PASD1: variants seen among roughly 807,000 people sequenced by gnomAD.
PASD1 encodes PAS domain containing repressor 1, also known as circadian clock protein PASD1.
PASD1 carries 13 observed loss-of-function variants against 58.8 expected under a neutral mutation model. The observed-to-expected ratio is 0.22, with a 90% CI of 0.14 to 0.35. The LOEUF (loss-of-function observed/expected upper bound fraction) is 0.35. Among genes scored for constraint, PASD1 ranks in the 10% least tolerant of loss-of-function variants. The probability of loss-of-function intolerance (pLI) is 1.00; values close to 1 mark genes in which losing one functional copy is unlikely to be tolerated. For synonymous variants in PASD1, 236 were observed against 216.7 expected (o/e 1.09, Z -0.78); for missense variants, 734 against 568.3 (o/e 1.29, Z -2.96).
intron 8 of PASD1, among the ~76,000 whole-genome samples, chrX:151,644,338 C>T (rs2014031811): frequency 9.0e-6 from 1 of 111,574 alleles, no homozygotes; most frequent in African/African-American, 3.3e-5. Context: ...CTTCTCTTCT[C>T]CCCCTCAAAG....
At chrX:151,627,448 A>G (rs1341853023) in intron 8 of PASD1, among the ~76,000 whole-genome samples, 1 of 109,131 alleles carries the variant, frequency 9.2e-6, no homozygotes, top group Non-Finnish European at 1.9e-5. Flanking sequence ...GAGTGAGGAC[A>G]TGCAGTGTTT....
At chrX:151,660,298 TA>T (rs2014294308) in intron 10 of PASD1, among the ~76,000 whole-genome samples, 1 of 112,203 alleles carries the variant, frequency 8.9e-6, no homozygotes, top group South Asian at 3.7e-4. Context: ...GTACAAAACT[TA>T]AGGAAATGGT....
intron 8 of PASD1, among the ~76,000 whole-genome samples, chrX:151,641,367 A>G (rs1441927463): frequency 8.9e-6 from 1 of 111,868 alleles, no homozygotes; most frequent in Non-Finnish European, 1.9e-5. Context: ...GCTATGCCAT[A>G]AAAGTAATTA....
intron 11 of PASD1, among the ~76,000 whole-genome samples, chrX:151,665,970 G>A (rs2014373356): frequency 9.3e-6 from 1 of 107,797 alleles, no homozygotes; most frequent in Non-Finnish European, 1.9e-5. Flanking sequence ...CATAGTGAAA[G>A]AAGGACAAGT....
chrX:151,578,237 G>A (rs1265151583), intron 1 of PASD1: 1 of 112,085 alleles, frequency 8.9e-6, no homozygotes, highest in African/African-American at 3.2e-5. Context: ...AATGTTCTCC[G>A]CTAAGGAACA....
At chrX:151,646,653 A>G (rs1241596613) in intron 8 of PASD1, among the ~76,000 whole-genome samples, 2 of 112,827 alleles carry the variant, frequency 1.8e-5, no homozygotes, top group African/African-American at 6.4e-5. Context: ...AGAAGCCAAT[A>G]TAAAGGTATT....
At chrX:151,622,308 A>G (rs1401359610) in intron 6 of PASD1, among the ~76,000 whole-genome samples, 2 of 110,670 alleles carry the variant, frequency 1.8e-5, no homozygotes, top group African/African-American at 6.6e-5. Flanking sequence ...AGAGGTAAAT[A>G]GCCCAAATAG....
chrX:151,645,190 C>A (rs773341686), intron 8 of PASD1, among the ~76,000 whole-genome samples: 1 of 111,705 alleles, frequency 9.0e-6, no homozygotes, highest in East Asian at 2.8e-4. Context: ...TCATAACCTG[C>A]AACCAAGAAG....
intron 4 of PASD1, among the ~76,000 whole-genome samples, chrX:151,613,374 T>TGGG (rs1253196793): frequency 1.8e-5 from 2 of 108,716 alleles, no homozygotes; most frequent in Non-Finnish European, 3.8e-5. Flanking sequence ...GGTAGCTTGA[T>TGGG]GGGGATGGCA....
In PASD1 at chrX:151,663,482, T is replaced by C. The variant is rs73638095; in HGVS notation, c.842-637T>C. ...GAACATCTGGATTGTTTCCAAGTGT[T>C]TTTTGATCATGAATAAAGCTACATT... On this transcript the variant is annotated intron_variant, in intron 10 of 15. Coordinates refer to ENST00000370357, the MANE Select transcript of PASD1 (RefSeq NM_173493.3). 9.6e-3 allele frequency among the ~76,000 whole-genome samples: 1,077 copies of C among 112,560 alleles called. 13 individuals are homozygous for C. The highest frequency in any genetic ancestry group is 0.033 in the African/African-American group (1,029 of 30,992).
intron 4 of PASD1, among the ~76,000 whole-genome samples, chrX:151,614,564 A>C (rs1290725805): frequency 7.1e-5 from 8 of 112,362 alleles, no homozygotes; most frequent in African/African-American, 2.3e-4. Flanking sequence ...GAAGAAATTG[A>C]AACCCCTATT....
intron 8 of PASD1, among the ~76,000 whole-genome samples, chrX:151,645,285 A>G (rs1452856014): frequency 8.9e-6 from 1 of 111,869 alleles, no homozygotes; most frequent in African/African-American, 3.3e-5. Flanking sequence ...TTAGGATTAT[A>G]TTTTTACTGT....
intron 1 of PASD1, among the ~76,000 whole-genome samples, chrX:151,573,227 C>T (rs1216931046): frequency 9.1e-6 from 1 of 110,105 alleles, no homozygotes; most frequent in Admixed American, 9.7e-5. Context: ...ATCCAGTCAC[C>T]TCCTACCAGG....
chrX:151,609,388 G>T (rs1456600673), intron 3 of PASD1, among the ~76,000 whole-genome samples: 1 of 111,135 alleles, frequency 9.0e-6, no homozygotes, highest in Non-Finnish European at 1.9e-5. Flanking sequence ...TCACATTATT[G>T]TGCAACCATC....
intron 1 of PASD1, among the ~76,000 whole-genome samples, chrX:151,574,949 G>T (rs987565637): frequency 8.9e-6 from 1 of 111,883 alleles, no homozygotes; most frequent in Non-Finnish European, 1.9e-5. Flanking sequence ...ACTGCTCCCA[G>T]CCATCACGCA....
intron 8 of PASD1, among the ~76,000 whole-genome samples, chrX:151,631,040 C>T (rs1486692309): frequency 3.6e-5 from 4 of 112,078 alleles, no homozygotes; most frequent in Non-Finnish European, 7.5e-5. Flanking sequence ...CTTGCTACTG[C>T]TAAGAGTCAG....
chrX:151,626,738 A>G (rs1401530934), intron 8 of PASD1, among the ~76,000 whole-genome samples: 1 of 112,326 alleles, frequency 8.9e-6, no homozygotes, highest in Non-Finnish European at 1.9e-5. Context: ...CTTGGGATCA[A>G]AGGCATGCTT....
In PASD1 at chrX:151,643,809, A is replaced by G. The variant is rs895101536; in HGVS notation, c.630-4806A>G. Among the ~76,000 whole-genome samples, 32 of 111,876 alleles carry G rather than the reference A, an allele frequency of 2.9e-4. 1 individual carries two copies. The highest frequency in any genetic ancestry group is 9.2e-3 in the Middle Eastern group (2 of 217). ...TGAACTTATATGTTATTCATGTTAT[A>G]AAGCTTTATTTTCCTCATCTATAAA... On this transcript the variant is annotated intron_variant, in intron 8 of 15. Coordinates refer to ENST00000370357, the MANE Select transcript of PASD1 (RefSeq NM_173493.3).
At chrX:151,574,373 T>C (rs141260142) in intron 1 of PASD1, among the ~76,000 whole-genome samples, 3,979 of 111,806 alleles carry the variant, frequency 0.036, 178 homozygotes, top group African/African-American at 0.12. Context: ...GGCCTTGTGC[T>C]CATACTCCAC....
Sources: allele counts gnomAD v4.1 joint callset (sites outside exome capture counted in the v4.1 genomes callset), GRCh38; gene constraint gnomAD v4.1.1; transcripts MANE v1.5; gene names NCBI Gene and HGNC (gene_info 2026-07-23, HGNC 2026-07-21).